The following PARD3B variants were observed in gnomAD, a reference collection of about 807,000 sequenced individuals.
PARD3B encodes partitioning defective 3 homolog B.
A neutral mutation model predicts 130.2 loss-of-function variants in PARD3B; 103 were observed. That is an observed-to-expected ratio of 0.79 (90% confidence interval 0.67 to 0.93). The LOEUF is 0.93. Ranked by LOEUF, PARD3B falls within the 40% of genes least tolerant of loss-of-function variation. PARD3B has a pLI of 0.00. For synonymous variants in PARD3B, 583 were observed against 553.2 expected (o/e 1.05, Z -0.76); for missense variants, 1,609 against 1,499.2 (o/e 1.07, Z -1.21).
chr2:204,826,013 T>C (rs1325792714), intron 2 of PARD3B, among the ~76,000 whole-genome samples: 1 of 152,164 alleles, frequency 6.6e-6, no homozygotes, highest in Non-Finnish European at 1.5e-5. Context: ...CACGGGAGTC[T>C]CCAAAGTGAC....
intron 4 of PARD3B, among the ~76,000 whole-genome samples, chr2:205,082,128 A>G (rs1701454297): frequency 1.3e-5 from 2 of 152,202 alleles, no homozygotes; most frequent in African/African-American, 4.8e-5. Flanking sequence ...TGTCAATTTC[A>G]TATAAATTGT....
chr2:204,886,511 A>G (rs928255951), intron 2 of PARD3B, among the ~76,000 whole-genome samples: 2 of 152,176 alleles, frequency 1.3e-5, no homozygotes, highest in Non-Finnish European at 2.9e-5. Flanking sequence ...TAGTCTATGT[A>G]CTTTTATCAC....
At chr2:204,671,404 C>A (rs982021670) in intron 1 of PARD3B, among the ~76,000 whole-genome samples, 1 of 152,130 alleles carries the variant, frequency 6.6e-6, no homozygotes, top group Admixed American at 6.5e-5. Flanking sequence ...ATTTGTCAGG[C>A]AGCTTTTGTT....
In PARD3B at chr2:204,603,602, C is replaced by A. The variant is rs149533266; in HGVS notation, c.120+57483C>A. ...AGGACATTTTTGTCGTCCTTATAAT[C>A]ATTTGTTACAAAAACATAAGACCTT... is the stretch of plus-strand genomic sequence containing the variant. On this transcript the variant is annotated intron_variant, in intron 1 of 22. Transcript: ENST00000406610. Among the ~76,000 whole-genome samples the A allele has an allele frequency of 1.6e-3, 239 of 151,948 alleles. 2 individuals carry two copies. The highest frequency in any genetic ancestry group is 5.6e-3 in the African/African-American group (233 of 41,432).
At chr2:204,759,919 G>T (rs1374271344) in intron 2 of PARD3B, among the ~76,000 whole-genome samples, 2 of 152,036 alleles carry the variant, frequency 1.3e-5, no homozygotes, top group African/African-American at 4.8e-5. Context: ...GACATTAGCA[G>T]AGTCTGGAAC....
At chr2:204,847,238 A>G (rs1266286220) in intron 2 of PARD3B, among the ~76,000 whole-genome samples, 1 of 137,026 alleles carries the variant, frequency 7.3e-6, no homozygotes, top group Non-Finnish European at 1.5e-5. Context: ...GCTGTCCTCT[A>G]TTGCTATAAC....
intron 2 of PARD3B, among the ~76,000 whole-genome samples, chr2:204,848,273 G>A (rs2044549948): frequency 1.3e-5 from 2 of 152,126 alleles, no homozygotes; most frequent in Admixed American, 1.3e-4. Context: ...ATCCCCTGTG[G>A]ATAAGGAGGG....
At chr2:205,247,172 G>C (rs1416775989) in intron 16 of PARD3B, among the ~76,000 whole-genome samples, 1 of 152,044 alleles carries the variant, frequency 6.6e-6, no homozygotes, top group East Asian at 1.9e-4. Flanking sequence ...TTATCAATTT[G>C]GTTTTTGAAA....
At chr2:205,286,773 C>T (rs1452883537) in intron 16 of PARD3B, among the ~76,000 whole-genome samples, 1 of 152,158 alleles carries the variant, frequency 6.6e-6, no homozygotes, top group Non-Finnish European at 1.5e-5. Context: ...ATCAGATTTC[C>T]TCCAATCTCT....
At chr2:205,535,711 A>G (rs1281241101) in intron 21 of PARD3B, among the ~76,000 whole-genome samples, 1 of 152,208 alleles carries the variant, frequency 6.6e-6, no homozygotes, top group Non-Finnish European at 1.5e-5. Context: ...TGCCACCTTT[A>G]TAATTTCCTC....
chr2:205,121,995 T>G lies in PARD3B; in HGVS notation c.1165+46T>G. 2 of 1,467,188 alleles carry G rather than the reference T, an allele frequency of 1.4e-6. No individual in the cohort carries two copies. The highest frequency in any genetic ancestry group is 2.3e-5 in the East Asian group (1 of 44,024). 90.9% of individuals were successfully genotyped at this position (1,467,188 alleles called of 1,614,324 possible). On this transcript the variant is annotated intron_variant, in intron 8 of 22. Transcript: ENST00000406610. This position sits in a 1 kb window ranked among gnomAD's most constrained non-coding sequence, Gnocchi z 5.0. Reference sequence around the variant, plus strand: ...AATAGCATTCTATTATTGTAACATGTAAAATTGGTTAAGAGAAATGCATTA... The same window carrying G: ...AATAGCATTCTATTATTGTAACATGGAAAATTGGTTAAGAGAAATGCATTA...
chr2:205,080,234 A>G (rs1020328381), intron 4 of PARD3B, among the ~76,000 whole-genome samples: 4 of 152,062 alleles, frequency 2.6e-5, no homozygotes, highest in African/African-American at 7.2e-5. Context: ...TGATTTGTCA[A>G]CTTTACAGAA....
intron 2 of PARD3B, among the ~76,000 whole-genome samples, chr2:204,895,064 AC>A (rs937117195): frequency 6.8e-6 from 1 of 147,254 alleles, no homozygotes; most frequent in Non-Finnish European, 1.5e-5. Flanking sequence ...ACCAAAAAAA[AC>A]CCCATAATTC....
chr2:204,674,819 G>A (rs935132538), intron 1 of PARD3B, among the ~76,000 whole-genome samples: 7 of 152,116 alleles, frequency 4.6e-5, no homozygotes, highest in Non-Finnish European at 7.4e-5. Context: ...ACTATCTGTC[G>A]AAAGTATTCT....
rs959893399 is a variant in PARD3B at position 205,365,182 on chromosome 2, A to G, written c.2631-35831A>G. ...GCCATTGTACTCCAGCCTGGGAGAC[A>G]AGAGTAAAACTCCGTGTCAAAAAAA... On this transcript the variant is annotated intron_variant, in intron 18 of 22. Coordinates refer to ENST00000406610, the MANE Select transcript of PARD3B (RefSeq NM_001302769.2). Among the ~76,000 whole-genome samples, 7 of 146,604 alleles carry G rather than the reference A, an allele frequency of 4.8e-5. No homozygotes were observed. In the Admixed American group the frequency reaches 4.9e-4, roughly 10 times the overall value.
chr2:204,684,928 T>G (rs1327668950), intron 1 of PARD3B, among the ~76,000 whole-genome samples: 1 of 152,190 alleles, frequency 6.6e-6, no homozygotes, highest in African/African-American at 2.4e-5. Context: ...CTTTAGATTT[T>G]TAAAGCCTAT....
intron 19 of PARD3B, among the ~76,000 whole-genome samples, chr2:205,414,576 A>T (rs981965339): frequency 1.3e-5 from 2 of 152,094 alleles, no homozygotes; most frequent in African/African-American, 4.8e-5. Flanking sequence ...CCAGTTTTTT[A>T]AAGTAAAGAA....
chr2:205,000,897 T>C (rs1352144231), intron 3 of PARD3B, among the ~76,000 whole-genome samples: 1 of 152,106 alleles, frequency 6.6e-6, no homozygotes, highest in Non-Finnish European at 1.5e-5. Context: ...GGTTTTTTGG[T>C]TTGTTTCTGT....
Position 205,473,350 on chromosome 2 carries a change from T to G in PARD3B, c.3045-26546T>G, listed in dbSNP as rs1009490404. ...AAAAATATAAACAAACTTAAAATTC[T>G]ATTTATGATTCAGACAACCAACAAA... On this transcript the variant is annotated intron_variant, in intron 20 of 22. Coordinates refer to ENST00000406610, the MANE Select transcript of PARD3B (RefSeq NM_001302769.2). This position sits in a 1 kb window ranked among gnomAD's most constrained non-coding sequence, Gnocchi z 4.9. 2.0e-5 allele frequency among the ~76,000 whole-genome samples: 3 copies of G among 152,148 alleles called. No homozygotes were observed. Among genetic ancestry groups the G allele is most frequent in the African/African-American group, 7.2e-5 (3 of 41,452 alleles).
Sources: gnomAD v4.1 joint callset for allele counts (sites outside exome capture counted in the v4.1 genomes callset) on GRCh38, gnomAD v4.1.1 for gene constraint, Gnocchi (gnomAD v3.1) non-coding constraint, MANE v1.5 for transcripts, NCBI Gene and HGNC (gene_info 2026-07-23, HGNC 2026-07-21) for gene names.